The following GSG1L variants were observed in gnomAD, a reference collection of about 807,000 sequenced individuals.
GSG1L encodes GSG1 like.
A neutral mutation model predicts 42.1 loss-of-function variants in GSG1L; 24 were observed. The ratio of observed to expected loss-of-function variants is 0.57; its 90% CI spans 0.41 to 0.80. GSG1L has a LOEUF of 0.80. Among genes scored for constraint, GSG1L ranks in the 30% least tolerant of loss-of-function variants. GSG1L has a pLI of 0.00. For missense variants in GSG1L, 445 were observed against 472.2 expected (o/e 0.94, Z 0.53); for synonymous variants, 215 against 203.5 (o/e 1.06, Z -0.48).
chr16:27,807,991 A>G (rs1279429928), intron 5 of GSG1L, among the ~76,000 whole-genome samples: 1 of 152,236 alleles, frequency 6.6e-6, no homozygotes, highest in Admixed American at 6.5e-5. Context: ...TCCCTACATA[A>G]TGAATATAGG....
At chr16:27,904,045 T>C (rs558723207) in intron 2 of GSG1L, among the ~76,000 whole-genome samples, 6 of 152,144 alleles carry the variant, frequency 3.9e-5, no homozygotes, top group Non-Finnish European at 8.8e-5. Context: ...CTGCTCCCTC[T>C]GCATGAAATG....
intron 5 of GSG1L, among the ~76,000 whole-genome samples, chr16:27,812,852 G>A (rs185907654): frequency 6.6e-6 from 1 of 151,986 alleles, no homozygotes; most frequent in Non-Finnish European, 1.5e-5. Flanking sequence ...GAAGTGGTGC[G>A]ATCTCAGCTC....
intron 2 of GSG1L, among the ~76,000 whole-genome samples, chr16:27,951,898 G>A (rs926772092): frequency 2.2e-4 from 34 of 152,172 alleles, no homozygotes; most frequent in African/African-American, 8.2e-4. Flanking sequence ...AATGACTCAC[G>A]CAAGACTCAA....
chr16:27,964,769 G>A (rs182611454), intron 1 of GSG1L, among the ~76,000 whole-genome samples: 3 of 152,262 alleles, frequency 2.0e-5, no homozygotes, highest in Admixed American at 6.5e-5. Context: ...GTTACCAGAG[G>A]CTGGGAAGGG....
At chr16:27,792,599 G>T (rs762927505) in intron 6 of GSG1L, among the ~76,000 whole-genome samples, 3 of 152,056 alleles carry the variant, frequency 2.0e-5, no homozygotes, top group Non-Finnish European at 4.4e-5. Flanking sequence ...TCTCCAGGAA[G>T]CCCCCTCTGA....
At chr16:27,966,035 A>T (rs2085128667) in intron 1 of GSG1L, among the ~76,000 whole-genome samples, 1 of 152,074 alleles carries the variant, frequency 6.6e-6, no homozygotes, top group Non-Finnish European at 1.5e-5. Flanking sequence ...GCCAATCTTT[A>T]AACGTGCCGG....
intron 1 of GSG1L, among the ~76,000 whole-genome samples, chr16:27,981,222 G>A (rs1381742376): frequency 1.3e-5 from 2 of 152,188 alleles, no homozygotes; most frequent in African/African-American, 4.8e-5. Flanking sequence ...CCCTGGTTCC[G>A]AGACCCAGAT....
At chr16:27,856,366 T>C (rs1463492509) in intron 3 of GSG1L, among the ~76,000 whole-genome samples, 1 of 152,152 alleles carries the variant, frequency 6.6e-6, no homozygotes, top group Non-Finnish European at 1.5e-5. Context: ...CAGTCTAGAG[T>C]GTAGTGGTGC....
At chr16:27,835,556 C>A (rs1358357972) in intron 4 of GSG1L, among the ~76,000 whole-genome samples, 1 of 151,814 alleles carries the variant, frequency 6.6e-6, no homozygotes, top group South Asian at 2.1e-4. Context: ...TTCTTTCCTG[C>A]TTGTTCCTCT....
intron 6 of GSG1L, among the ~76,000 whole-genome samples, chr16:27,796,170 T>G (rs1407273255): frequency 6.6e-6 from 1 of 152,162 alleles, no homozygotes; most frequent in Non-Finnish European, 1.5e-5. Flanking sequence ...GGAAGTTCCT[T>G]CCGGCCAATC....
At chr16:27,930,604 A>G (rs2084645166) in intron 2 of GSG1L, among the ~76,000 whole-genome samples, 1 of 152,226 alleles carries the variant, frequency 6.6e-6, no homozygotes, top group African/African-American at 2.4e-5. Flanking sequence ...CAATGCTCAG[A>G]AGTAAGCAGT....
intron 3 of GSG1L, among the ~76,000 whole-genome samples, chr16:27,848,384 G>T (rs2083466834): frequency 6.6e-6 from 1 of 152,216 alleles, no homozygotes; most frequent in Non-Finnish European, 1.5e-5. Flanking sequence ...AAGGTCAAGA[G>T]TGTGGGATAT....
chr16:27,929,871 T>C lies in GSG1L; in HGVS notation c.397+33285A>G, dbSNP rs1596621202. 2.6e-5 allele frequency among the ~76,000 whole-genome samples: 4 copies of C among 152,214 alleles called. No homozygotes were observed. In the East Asian group the frequency reaches 7.7e-4, roughly 29 times the overall value. On this transcript the variant is annotated intron_variant, in intron 2 of 6. Transcript: ENST00000447459. ...AAGAACAGCTCTCTGCCCTCCTCCA[T>C]GGAACCTCCTTCCTTACCATTACCT...
intron 3 of GSG1L, among the ~76,000 whole-genome samples, chr16:27,851,523 C>A (rs1193479446): frequency 6.6e-6 from 1 of 152,110 alleles, no homozygotes; most frequent in Non-Finnish European, 1.5e-5. Context: ...AGATTCACCC[C>A]CCTTCTCTCC....
At chr16:27,856,487 T>C (rs565185299) in intron 3 of GSG1L, among the ~76,000 whole-genome samples, 3 of 152,168 alleles carry the variant, frequency 2.0e-5, no homozygotes, top group African/African-American at 7.2e-5. Flanking sequence ...GGTAATATTT[T>C]TGGTTTTTGT....
intron 4 of GSG1L, among the ~76,000 whole-genome samples, chr16:27,841,841 C>T (rs180988462): frequency 6.6e-6 from 1 of 152,278 alleles, no homozygotes; most frequent in African/African-American, 2.4e-5. Flanking sequence ...GAATGTTCCC[C>T]TGGCTGACAC....
chr16:27,866,707 G>A (rs2083730526), intron 3 of GSG1L, among the ~76,000 whole-genome samples: 1 of 152,106 alleles, frequency 6.6e-6, no homozygotes, highest in East Asian at 1.9e-4. Flanking sequence ...AAGTAGCTGG[G>A]ACTACAGACT....
intron 1 of GSG1L, among the ~76,000 whole-genome samples, chr16:28,031,452 GGGAAT>G (rs2085963633): frequency 6.6e-6 from 1 of 151,882 alleles, no homozygotes; most frequent in Admixed American, 6.6e-5. Flanking sequence ...GGGATGGGAT[GGGAAT>G]GGAATGGAAT....
chr16:27,969,068 C>T (rs542684216), intron 1 of GSG1L, among the ~76,000 whole-genome samples: 21 of 152,170 alleles, frequency 1.4e-4, no homozygotes, highest in Non-Finnish European at 2.4e-4. Context: ...GAGATCGCCC[C>T]ACTGCACTTC....
Sources: allele counts gnomAD v4.1 joint callset (sites outside exome capture counted in the v4.1 genomes callset), GRCh38; gene constraint gnomAD v4.1.1; transcripts MANE v1.5; gene names NCBI Gene and HGNC (gene_info 2026-07-23, HGNC 2026-07-21).